The following PTCH2 variants were observed in gnomAD, a reference collection of about 807,000 sequenced individuals.
PTCH2 encodes patched 2.
PTCH2 carries 96 observed loss-of-function variants against 117.9 expected under a neutral mutation model. The ratio of observed to expected loss-of-function variants is 0.81; its 90% CI spans 0.69 to 0.96. PTCH2 has a LOEUF of 0.96. Ranked by LOEUF, PTCH2 falls within the 50% of genes least tolerant of loss-of-function variation. PTCH2 has a pLI of 0.00. For synonymous variants in PTCH2, 615 were observed against 660.9 expected (o/e 0.93, Z 1.06); for missense variants, 1,379 against 1,562.5 (o/e 0.88, Z 1.98).
intron 6 of PTCH2, 117 bp downstream of exon 6, chr1:44,830,731 T>C: frequency 4.7e-6 from 5 of 1,054,784 alleles, no homozygotes; most frequent in South Asian, 2.1e-5. Context: ...AGGGTAATAA[T>C]GGCCAGGAAG....
chr1:44,821,399 C>G (rs983575238), downstream of PTCH2, among the ~76,000 whole-genome samples: 1 of 152,242 alleles, frequency 6.6e-6, no homozygotes, highest in African/African-American at 2.4e-5. Context: ...GTCAGGACAA[C>G]CAACTTACAG....
intron 2 of PTCH2, among the ~76,000 whole-genome samples, chr1:44,839,145 C>T (rs770068981): frequency 3.9e-5 from 6 of 151,958 alleles, no homozygotes; most frequent in African/African-American, 9.7e-5. Context: ...GAGGCCAAGG[C>T]GGGCGGATCA....
Position 44,824,500 on chromosome 1 carries a change from A to AT in PTCH2, c.3115-1116dup, listed in dbSNP as rs35156371. Among the ~76,000 whole-genome samples, 1,050 of 139,590 alleles carry AT rather than the reference A, an allele frequency of 7.5e-3. 5 individuals carry two copies. The highest frequency in any genetic ancestry group is 0.01 in the East Asian group (49 of 4,792). 91.6% of individuals were successfully genotyped at this position (139,590 alleles called of 152,430 possible). A position where few individuals can be genotyped will look rare whatever the true frequency, so the allele number is the denominator to read the frequency against. Reference sequence around the variant, plus strand: ...CACATTGCCATCCCGCTACCATCCCATTTTTTTTTTTTTTTGAGACAGGAT... The same window carrying AT: ...CACATTGCCATCCCGCTACCATCCCATTTTTTTTTTTTTTTTGAGACAGGAT... On this transcript the variant is annotated intron_variant, in intron 19 of 21. Transcript: ENST00000372192.
chr1:44,831,892 G>T lies in PTCH2; in HGVS notation c.525+83C>A. ...CTCCTTAGTTTTAAGGGGGCAGATTGCAGGCTGTGGGGCTTGCTCGGTCTC... is the reference window on the plus strand; with the variant it reads ...CTCCTTAGTTTTAAGGGGGCAGATTTCAGGCTGTGGGGCTTGCTCGGTCTC... On this transcript the variant is annotated intron_variant, in intron 4 of 21. Transcript: ENST00000372192. This position sits in a 1 kb window ranked among gnomAD's most constrained non-coding sequence, Gnocchi z 4.3. The T allele has an allele frequency of 6.4e-7, 1 of 1,572,050 alleles. No homozygotes were observed. The highest frequency in any genetic ancestry group is 8.8e-7 in the Non-Finnish European group (1 of 1,141,888).
chr1:44,820,642 G>A, downstream of PTCH2: 1 of 712,732 alleles, frequency 1.4e-6, no homozygotes, highest in Admixed American at 2.0e-5. Context: ...TCCAGACAGT[G>A]GCGCTCCGTG....
intron 2 of PTCH2, among the ~76,000 whole-genome samples, chr1:44,835,569 G>A (rs915109872): frequency 1.3e-5 from 2 of 152,100 alleles, no homozygotes; most frequent in African/African-American, 2.4e-5. Context: ...TACACTCTTC[G>A]GGGGAAAGCA....
intron 2 of PTCH2, among the ~76,000 whole-genome samples, chr1:44,834,535 G>A (rs1341991415): frequency 6.6e-6 from 1 of 152,222 alleles, no homozygotes; most frequent in East Asian, 1.9e-4. Flanking sequence ...GAAGAGGACA[G>A]AGATAAGCTC....
At position 44,830,587 on chromosome 1, in the gene PTCH2, C is replaced by CAAAAAAAAAAAAAAAAAAAAAAA. The variant is rs768951349; in HGVS notation, c.813+260_813+261insTTTTTTTTTTTTTTTTTTTTTTT. Among the ~76,000 whole-genome samples, 125 of 65,092 alleles carry CAAAAAAAAAAAAAAAAAAAAAAA rather than the reference C, an allele frequency of 1.9e-3. 7 individuals carry two copies. The highest frequency in any genetic ancestry group is 6.2e-3 in the African/African-American group (91 of 14,676). The allele number at this position is 65,092 out of a possible 152,430, so 42.7% of individuals were successfully genotyped here. On this transcript the variant is annotated intron_variant, in intron 6 of 21. Transcript: ENST00000372192. ...CCAGCCTGGGTGACAGAGTGAGACT[C>CAAAAAAAAAAAAAAAAAAAAAAA]AAAAAAAAAAAAAAAAAGAAGTCCA...
In PTCH2 at chr1:44,823,798, G is replaced by T. The variant is rs1447016553; in HGVS notation, c.3115-413C>A. Among the ~76,000 whole-genome samples, 1 of 152,100 alleles carries T rather than the reference G, an allele frequency of 6.6e-6. No individual in the cohort carries two copies. Among genetic ancestry groups the T allele is most frequent in the Non-Finnish European group, 1.5e-5 (1 of 68,028 alleles). ...TATAACAAATACAAAAATTAGCTGG[G>T]TGTGGTTGTGTGTGCCTGTAGTCTC... On this transcript the variant is annotated intron_variant, in intron 19 of 21. Transcript: ENST00000372192. The surrounding 1 kb of genome is among the most constrained non-coding windows in gnomAD (Gnocchi z 5.1).
downstream of PTCH2, chr1:44,819,870 T>A (rs945671040): frequency 6.5e-6 from 1 of 153,024 alleles, no homozygotes; most frequent in South Asian, 2.0e-4. Flanking sequence ...TAACTTTTAA[T>A]ACTTAAAAAT....
rs1273479429 is a variant in PTCH2, at chr1:44,843,049, A to G, written c.-117T>C. On this transcript the variant is annotated 5_prime_UTR_variant, in exon 1 of 22. Transcript: ENST00000372192. ...GCGTAGGGATTCAGTGGGGCCGCCA[A>G]GGCGCGGGCGTGGGAGAGACTGTGG... is the stretch of plus-strand genomic sequence containing the variant. 3.2e-5 allele frequency: 46 copies of G among 1,425,270 alleles called. No homozygotes were observed. Among genetic ancestry groups the G allele is most frequent in the Non-Finnish European group, 4.0e-5 (44 of 1,093,534 alleles). 88.3% of individuals were successfully genotyped at this position (1,425,270 alleles called of 1,614,324 possible). A position where few individuals can be genotyped will look rare whatever the true frequency, so the allele number is the denominator to read the frequency against.
Position 44,841,865 on chromosome 1 carries a change from C to G in PTCH2, c.247G>C (p.Glu83Gln), listed in dbSNP as rs781204167. 7 of 1,614,182 alleles carry G rather than the reference C, an allele frequency of 4.3e-6. No homozygotes were observed. Among genetic ancestry groups the G allele is most frequent in the South Asian group, 1.1e-5 (1 of 91,080 alleles). The change falls in exon 2 of 22, where the codon GAA becomes CAA. Residue 83 changes from glutamate to glutamine, a missense_variant. Glu to Gln is a conservative substitution (Grantham distance 29). Coordinates refer to ENST00000372192, the MANE Select transcript of PTCH2 (RefSeq NM_003738.5). ...LRMAIIETNL[E>Q]QLWVEVGSRV... Reference sequence around the variant, plus strand: ...AACTTACCTTCTACCCAGAGCTGTTCCAAGTTTGTCTCAATAATGGCCATG... The same window carrying G: ...AACTTACCTTCTACCCAGAGCTGTTGCAAGTTTGTCTCAATAATGGCCATG...
rs199655603 is a variant in PTCH2, at chr1:44,841,922, A to G, written c.190T>C (p.Leu64=). ...HCGKVLFLGL[L]AFGALALGLR... is the part of the protein sequence containing the mutation. ...CCTAATGCCAGGGCCCCAAAGGCCA[A>G]CAGTCCCAGAAAGAGCACTTTGCCA... The change falls in exon 2 of 22, where the codon TTG becomes CTG. Residue 64 remains leucine, a synonymous_variant. Transcript: ENST00000372192. 1.6e-4 allele frequency: 260 copies of G among 1,614,246 alleles called. 1 individual carries two copies. The South Asian group carries it at 1.9e-3, about 12-fold the overall frequency.
In PTCH2 at chr1:44,838,530, C is replaced by T. The variant is rs531367268; in HGVS notation, c.265+3317G>A. 9.7e-4 allele frequency among the ~76,000 whole-genome samples: 147 copies of T among 151,500 alleles called. 1 individual carries two copies. The highest frequency in any genetic ancestry group is 3.2e-3 in the African/African-American group (134 of 41,296). On this transcript the variant is annotated intron_variant, in intron 2 of 21. Coordinates refer to ENST00000372192, the MANE Select transcript of PTCH2 (RefSeq NM_003738.5). ...TGCTAGGATTACAGGCGTGAGCCACCGTGCCAGGCCTTTGTAATTTTCATT... is the reference window on the plus strand; with the variant it reads ...TGCTAGGATTACAGGCGTGAGCCACTGTGCCAGGCCTTTGTAATTTTCATT...
intron 1 of PTCH2, 90 bp downstream of exon 1, chr1:44,842,771 C>G: frequency 1.5e-6 from 2 of 1,293,452 alleles, no homozygotes; most frequent in Non-Finnish European, 2.2e-6. Context: ...TAATGACACT[C>G]GGCACTTCAA....
chr1:44,834,448 C>T (rs957713644), intron 2 of PTCH2, among the ~76,000 whole-genome samples: 3 of 152,084 alleles, frequency 2.0e-5, no homozygotes, highest in African/African-American at 4.8e-5. Context: ...CTCCCCTACT[C>T]CCCACTCTTT....
chr1:44,840,169 C>T (rs940126453), intron 2 of PTCH2, among the ~76,000 whole-genome samples: 1 of 147,510 alleles, frequency 6.8e-6, no homozygotes, highest in Non-Finnish European at 1.5e-5. Flanking sequence ...GTGCGGCGAT[C>T]TTGGCTCACT....
chr1:44,831,207 G>A lies in PTCH2; in HGVS notation c.618-164C>T, dbSNP rs1009420059. Reference sequence around the variant, plus strand: ...CTTCTCAGAACTGCCAGGCTGCATGGGCCCACCAGGGTGCTACAGTGAGCT... The same window carrying A: ...CTTCTCAGAACTGCCAGGCTGCATGAGCCCACCAGGGTGCTACAGTGAGCT... On this transcript the variant is annotated intron_variant, in intron 5 of 21. Coordinates refer to ENST00000372192, the MANE Select transcript of PTCH2 (RefSeq NM_003738.5). This position sits in a 1 kb window ranked among gnomAD's most constrained non-coding sequence, Gnocchi z 4.3. Among the ~76,000 whole-genome samples the A allele has an allele frequency of 5.9e-5, 9 of 152,194 alleles. No homozygotes were observed. The highest frequency in any genetic ancestry group is 2.2e-4 in the African/African-American group (9 of 41,440).
downstream of PTCH2, chr1:44,821,774 G>A (rs183685600): frequency 6.8e-6 from 9 of 1,315,536 alleles, no homozygotes; most frequent in African/African-American, 1.4e-4. Flanking sequence ...TCCAGATGAT[G>A]TTACCAAGTA....
Sources: gnomAD v4.1 joint callset for allele counts (sites outside exome capture counted in the v4.1 genomes callset) on GRCh38, gnomAD v4.1.1 for gene constraint, Gnocchi (gnomAD v3.1) non-coding constraint, MANE v1.5 for transcripts, NCBI Gene and HGNC (gene_info 2026-07-23, HGNC 2026-07-21) for gene names.